The following GRM7 variants were observed in gnomAD, a reference collection of about 807,000 sequenced individuals.
The protein encoded by GRM7 is metabotropic glutamate receptor 7.
Under a neutral mutation model 84.5 loss-of-function variants are expected in GRM7, and 35 were observed. The observed-to-expected ratio is 0.41, with a 90% CI of 0.32 to 0.55. GRM7 has a LOEUF of 0.55. GRM7 is among the 20% of genes least tolerant of loss of function. The probability of loss-of-function intolerance (pLI) is 0.19; values close to 1 mark genes in which losing one functional copy is unlikely to be tolerated. For missense variants in GRM7, 1,003 were observed against 1,194.6 expected, an observed-to-expected ratio of 0.84 and a Z score of 2.36; for synonymous variants, 487 against 455.1, an observed-to-expected ratio of 1.07 and a Z score of -0.89.
At chr3:7,099,393 T>G in intron 1 of GRM7, among the ~76,000 whole-genome samples, 1 of 148,336 alleles carries the variant, frequency 6.7e-6, no homozygotes, top group East Asian at 2.0e-4. Flanking sequence ...ATATATACAT[T>G]ATATACATAC....
intron 8 of GRM7, among the ~76,000 whole-genome samples, chr3:7,638,787 A>G (rs1438686263): frequency 6.6e-6 from 1 of 152,226 alleles, no homozygotes; most frequent in Non-Finnish European, 1.5e-5. Flanking sequence ...GGAAACGAAG[A>G]CACCACTACT....
intron 4 of GRM7, among the ~76,000 whole-genome samples, chr3:7,328,224 T>C (rs1701059371): frequency 6.6e-6 from 1 of 152,228 alleles, no homozygotes; most frequent in Non-Finnish European, 1.5e-5. Flanking sequence ...ATTTTCTAAC[T>C]CATCGTCATG....
At chr3:7,277,169 T>G (rs1414655474) in intron 2 of GRM7, among the ~76,000 whole-genome samples, 1 of 152,044 alleles carries the variant, frequency 6.6e-6, no homozygotes, top group African/African-American at 2.4e-5. Flanking sequence ...AATTTTAACC[T>G]CAGATTGCTT....
chr3:7,010,762 G>A (rs1443913494), intron 1 of GRM7, among the ~76,000 whole-genome samples: 1 of 152,194 alleles, frequency 6.6e-6, no homozygotes, highest in African/African-American at 2.4e-5. Context: ...ATGGGGTGGA[G>A]AGCCAGAGTG....
intron 1 of GRM7, among the ~76,000 whole-genome samples, chr3:7,108,030 C>T (rs1692713069): frequency 6.6e-6 from 1 of 151,908 alleles, no homozygotes; most frequent in Non-Finnish European, 1.5e-5. Context: ...AATATGTGAG[C>T]CTTTACAGAG....
chr3:7,252,308 G>T (rs1381771618), intron 2 of GRM7, among the ~76,000 whole-genome samples: 3 of 152,166 alleles, frequency 2.0e-5, no homozygotes, highest in Non-Finnish European at 4.4e-5. Flanking sequence ...TTTCCTGTCT[G>T]CCTGTTCCGC....
chr3:7,478,502 G>A (rs1699010424), intron 7 of GRM7, among the ~76,000 whole-genome samples: 1 of 152,208 alleles, frequency 6.6e-6, no homozygotes, highest in Non-Finnish European at 1.5e-5. Context: ...ATCTTTGCTA[G>A]TCCTCTTTCT....
At position 7,511,884 on chromosome 3, in the gene GRM7, G is replaced by A. The variant is rs1296900605; in HGVS notation, c.1515+50162G>A. On this transcript the variant is annotated intron_variant, in intron 7 of 9. Coordinates refer to ENST00000357716, the MANE Select transcript of GRM7 (RefSeq NM_000844.4). ...GGGCTGGGAACAGTGGCTCATGCCTGTAATCTCAGCACTTTGGGAGGCTGA... is the reference window on the plus strand; with the variant it reads ...GGGCTGGGAACAGTGGCTCATGCCTATAATCTCAGCACTTTGGGAGGCTGA... Among the ~76,000 whole-genome samples the A allele has an allele frequency of 2.6e-5, 4 of 152,170 alleles. No individual in the cohort carries two copies. In the East Asian group the frequency reaches 7.7e-4, roughly 29 times the overall value.
intron 4 of GRM7, among the ~76,000 whole-genome samples, chr3:7,361,669 C>A (rs1049390387): frequency 6.6e-6 from 1 of 151,950 alleles, no homozygotes; most frequent in Non-Finnish European, 1.5e-5. Context: ...CAAAAGAAAC[C>A]AGTACATGCT....
intron 1 of GRM7, among the ~76,000 whole-genome samples, chr3:7,048,441 G>T (rs1696877267): frequency 6.6e-6 from 1 of 151,518 alleles, no homozygotes. Context: ...CTAAATTGAT[G>T]TTTGTATTTT....
At chr3:7,087,262 C>T (rs1485871035) in intron 1 of GRM7, among the ~76,000 whole-genome samples, 1 of 152,110 alleles carries the variant, frequency 6.6e-6, no homozygotes, top group Non-Finnish European at 1.5e-5. Context: ...CGTCACTCCC[C>T]TCCTGAAAAT....
intron 4 of GRM7, among the ~76,000 whole-genome samples, chr3:7,310,865 T>C (rs558632057): frequency 1.3e-5 from 2 of 152,272 alleles, no homozygotes; most frequent in Non-Finnish European, 2.9e-5. Flanking sequence ...CACTCTCTTT[T>C]TTCTCTCTTC....
Position 7,007,947 on chromosome 3 carries a change from G to C in GRM7, c.520-138505G>C, listed in dbSNP as rs338087. On this transcript the variant is annotated intron_variant, in intron 1 of 9. Coordinates refer to ENST00000357716, the MANE Select transcript of GRM7 (RefSeq NM_000844.4). ...CAACTGTACCTGCAGAACTAGCAAC[G>C]TAAGAAATGTTCAAAACGTTCCCTC... Among the ~76,000 whole-genome samples the C allele has an allele frequency of 7.9e-5, 12 of 151,884 alleles. 1 individual carries two copies. The highest frequency in any genetic ancestry group is 3.3e-4 in the Admixed American group (5 of 15,248).
At chr3:7,292,100 TAA>T in intron 2 of GRM7, among the ~76,000 whole-genome samples, 1 of 152,198 alleles carries the variant, frequency 6.6e-6, no homozygotes, top group Non-Finnish European at 1.5e-5. Flanking sequence ...TTTTTCTTTA[TAA>T]ATTACCCAAC....
At chr3:7,246,123 A>G (rs966811387) in intron 2 of GRM7, among the ~76,000 whole-genome samples, 9 of 152,126 alleles carry the variant, frequency 5.9e-5, no homozygotes, top group Non-Finnish European at 1.2e-4. Flanking sequence ...GCTGAACTTC[A>G]TCTAAAAACA....
chr3:7,020,089 T>C (rs1157116089), intron 1 of GRM7, among the ~76,000 whole-genome samples: 2 of 152,182 alleles, frequency 1.3e-5, no homozygotes, highest in African/African-American at 4.8e-5. Flanking sequence ...CCTCGTGATT[T>C]GCCCGCCTCA....
At chr3:6,914,085 C>T (rs1005776545) in intron 1 of GRM7, among the ~76,000 whole-genome samples, 7 of 152,136 alleles carry the variant, frequency 4.6e-5, no homozygotes, top group Non-Finnish European at 1.0e-4. Context: ...TCCAAAGTAT[C>T]CCCATTTCTC....
chr3:7,343,288 C>T (rs73113738), intron 4 of GRM7, among the ~76,000 whole-genome samples: 6,353 of 152,070 alleles, frequency 0.042, 298 homozygotes, highest in African/African-American at 0.12. Context: ...GACTGGAGTG[C>T]GGTAGCATGG....
chr3:7,197,950 ACC>A (rs1386094491), intron 2 of GRM7, among the ~76,000 whole-genome samples: 3 of 152,106 alleles, frequency 2.0e-5, no homozygotes, highest in Non-Finnish European at 4.4e-5. Context: ...ATTAAGTGGG[ACC>A]CAGTTGGGTA....
Sources: allele counts gnomAD v4.1 joint callset (sites outside exome capture counted in the v4.1 genomes callset), GRCh38; gene constraint gnomAD v4.1.1; transcripts MANE v1.5; gene names NCBI Gene and HGNC (gene_info 2026-07-23, HGNC 2026-07-21).